The following SPAG16 variants were observed in gnomAD, a reference collection of about 807,000 sequenced individuals.
SPAG16 encodes the protein sperm associated antigen 16, also known as sperm-associated antigen 16 protein.
A neutral mutation model predicts 80.4 loss-of-function variants in SPAG16; 86 were observed. That is an observed-to-expected ratio of 1.07 (90% CI 0.90 to 1.28). The LOEUF (loss-of-function observed/expected upper bound fraction) is 1.28, where lower values mean the gene tolerates loss of function less well. Ranked by LOEUF, SPAG16 falls within the 50% of genes most tolerant of loss-of-function variation. The pLI, the probability that SPAG16 is intolerant of heterozygous loss-of-function variation, is 0.00. For missense variants in SPAG16, 870 were observed against 765.3 expected (o/e 1.14, Z -1.61); for synonymous variants, 294 against 265.9 (o/e 1.11, Z -1.03).
intron 10 of SPAG16, among the ~76,000 whole-genome samples, chr2:213,753,917 A>C (rs941861963): frequency 1.1e-4 from 17 of 152,254 alleles, no homozygotes; most frequent in Non-Finnish European, 1.9e-4. Context: ...ATGATAAATC[A>C]CAGTCAAGAA....
At chr2:214,260,829 A>G (rs971749219) in intron 15 of SPAG16, among the ~76,000 whole-genome samples, 9 of 152,102 alleles carry the variant, frequency 5.9e-5, no homozygotes, top group Non-Finnish European at 1.3e-4. Flanking sequence ...AGACTTGGCC[A>G]GGTGCAGTGG....
intron 10 of SPAG16, among the ~76,000 whole-genome samples, chr2:213,535,530 T>G (rs866042999): frequency 6.6e-6 from 1 of 152,164 alleles, no homozygotes; most frequent in Non-Finnish European, 1.5e-5. Flanking sequence ...CAAACTTTTT[T>G]GTAATTTCTT....
At chr2:213,564,708 A>C (rs2059703789) in intron 10 of SPAG16, among the ~76,000 whole-genome samples, 1 of 152,138 alleles carries the variant, frequency 6.6e-6, no homozygotes, top group African/African-American at 2.4e-5. Flanking sequence ...AACATGTCTC[A>C]TGTGTCAAGC....
intron 10 of SPAG16, among the ~76,000 whole-genome samples, chr2:213,605,989 C>T (rs1474473488): frequency 2.0e-5 from 3 of 152,124 alleles, no homozygotes; most frequent in African/African-American, 7.2e-5. Flanking sequence ...CTATGGGTAA[C>T]CACTATTCTA....
chr2:214,143,402 TC>T (rs1156948015), intron 14 of SPAG16, among the ~76,000 whole-genome samples: 1 of 152,048 alleles, frequency 6.6e-6, no homozygotes, highest in African/African-American at 2.4e-5. Context: ...CCAGGGTCCT[TC>T]CATAAATTAT....
intron 9 of SPAG16, among the ~76,000 whole-genome samples, chr2:213,387,848 CT>C (rs2067531464): frequency 6.6e-6 from 1 of 152,036 alleles, no homozygotes; most frequent in African/African-American, 2.4e-5. Flanking sequence ...CCTAATACCC[CT>C]TCTGGGTTTC....
intron 10 of SPAG16, among the ~76,000 whole-genome samples, chr2:213,528,159 T>C (rs941923906): frequency 6.6e-6 from 1 of 152,144 alleles, no homozygotes; most frequent in Non-Finnish European, 1.5e-5. Flanking sequence ...CATCAGAACC[T>C]CTTCCATGGC....
intron 10 of SPAG16, among the ~76,000 whole-genome samples, chr2:213,721,194 G>T: frequency 6.6e-6 from 1 of 152,042 alleles, no homozygotes; most frequent in Non-Finnish European, 1.5e-5. Flanking sequence ...GTGCTTCCTG[G>T]GTTCAAGCTG....
At chr2:213,909,237 G>C (rs1310020122) in intron 11 of SPAG16, among the ~76,000 whole-genome samples, 179 of 152,076 alleles carry the variant, frequency 1.2e-3, no homozygotes, top group African/African-American at 2.5e-3. Context: ...AGGATACAAA[G>C]AAATGGAAGA....
At chr2:213,933,025 GT>G (rs35442419) in intron 12 of SPAG16, among the ~76,000 whole-genome samples, 28,446 of 150,006 alleles carry the variant, frequency 0.19, 3,302 homozygotes, top group South Asian at 0.32. Context: ...GCACATGGTG[GT>G]TTACTTACAT....
chr2:213,400,628 T>A (rs923521696), intron 9 of SPAG16, among the ~76,000 whole-genome samples: 2 of 152,172 alleles, frequency 1.3e-5, no homozygotes, highest in African/African-American at 4.8e-5. Flanking sequence ...TAGCTGGGCA[T>A]ATAGTTAGGT....
chr2:214,388,767 T>C (rs1700902910), intron 15 of SPAG16, among the ~76,000 whole-genome samples: 1 of 152,240 alleles, frequency 6.6e-6, no homozygotes, highest in Admixed American at 6.5e-5. Context: ...TTTGGATGTC[T>C]TTGGAATAAG....
rs541991373 is a variant in SPAG16 at position 213,551,590 on chromosome 2, T to TGG, written c.1070+61500_1070+61501insGG. On this transcript the variant is annotated intron_variant, in intron 10 of 15. Transcript: ENST00000331683. The stretch of plus-strand genomic sequence containing the variant: ...TCTGTGCAGGTTTCTATTCAGATCT[T>TGG]TAGATACTTAGAAGTGGGCAAAGTT... 6.0e-3 allele frequency among the ~76,000 whole-genome samples: 909 copies of TGG among 152,306 alleles called. 4 individuals are homozygous for TGG. Among genetic ancestry groups the TGG allele is most frequent in the Middle Eastern group, 0.017 (5 of 294 alleles).
intron 10 of SPAG16, among the ~76,000 whole-genome samples, chr2:213,766,048 C>T (rs763981727): frequency 6.6e-5 from 10 of 152,198 alleles, no homozygotes; most frequent in Non-Finnish European, 1.0e-4. Flanking sequence ...GTGGCTTTAA[C>T]GCTACATTTC....
At chr2:213,306,232 A>T (rs553059029) in intron 3 of SPAG16, among the ~76,000 whole-genome samples, 6 of 148,650 alleles carry the variant, frequency 4.0e-5, no homozygotes, top group African/African-American at 1.5e-4. Context: ...CTTTAAAAAA[A>T]TTTTTTTTTG....
intron 8 of SPAG16, chr2:213,365,022 C>A (rs1030469990): frequency 1.3e-5 from 2 of 152,156 alleles, no homozygotes; most frequent in Non-Finnish European, 2.9e-5. Flanking sequence ...CCTTGAGAAA[C>A]ATTTAGGGCT....
intron 15 of SPAG16, among the ~76,000 whole-genome samples, chr2:214,153,001 T>C (rs927675118): frequency 2.0e-5 from 3 of 152,052 alleles, no homozygotes; most frequent in African/African-American, 7.2e-5. Flanking sequence ...CACAGGGAGA[T>C]GGTTAGGCCT....
At chr2:213,530,950 T>C (rs1376006971) in intron 10 of SPAG16, among the ~76,000 whole-genome samples, 2 of 152,180 alleles carry the variant, frequency 1.3e-5, no homozygotes, top group Non-Finnish European at 2.9e-5. Flanking sequence ...AAAATATTAC[T>C]TGAATTTATG....
intron 12 of SPAG16, among the ~76,000 whole-genome samples, chr2:213,981,928 A>G (rs541153401): frequency 6.6e-6 from 1 of 151,940 alleles, no homozygotes; most frequent in African/African-American, 2.4e-5. Flanking sequence ...ATTTTTTTAC[A>G]TTTCAAAAAC....
Sources: gnomAD v4.1 joint callset for allele counts (sites outside exome capture counted in the v4.1 genomes callset) on GRCh38, gnomAD v4.1.1 for gene constraint, MANE v1.5 for transcripts, NCBI Gene and HGNC (gene_info 2026-07-23, HGNC 2026-07-21) for gene names.